SYNPO2: variants seen among roughly 807,000 people sequenced by gnomAD.
SYNPO2 encodes synaptopodin-2.
Under a neutral mutation model 85.0 loss-of-function variants are expected in SYNPO2, and 56 were observed. That is an observed-to-expected ratio of 0.66 (90% confidence interval 0.53 to 0.82). SYNPO2 has a LOEUF of 0.82. Ranked by LOEUF, SYNPO2 falls within the 40% of genes least tolerant of loss-of-function variation. SYNPO2 has a pLI of 0.00. For missense variants in SYNPO2, 1,575 were observed against 1,534.2 expected (o/e 1.03, Z -0.44); for synonymous variants, 602 against 591.1 (o/e 1.02, Z -0.27).
rs1477284256 is a variant in SYNPO2 at position 119,004,616 on chromosome 4, C to T, written c.106-18814C>T. On this transcript the variant is annotated intron_variant, in intron 1 of 4. Transcript: ENST00000307142. ...GTATATGTGCCACATTTTCTTAATC[C>T]AGTCTATCATTGTTGGACATTTGGG... Among the ~76,000 whole-genome samples the T allele has an allele frequency of 4.1e-4, 60 of 146,116 alleles. 2 individuals carry two copies. The highest frequency in any genetic ancestry group is 6.1e-5 in the Non-Finnish European group (4 of 66,004).
intron 1 of SYNPO2, among the ~76,000 whole-genome samples, chr4:118,873,899 T>C (rs1002079711): frequency 2.6e-5 from 4 of 152,082 alleles, no homozygotes; most frequent in African/African-American, 9.7e-5. Flanking sequence ...CTTCTGCATA[T>C]GGCAATCCAA....
At chr4:118,902,439 G>C (rs1211635799) in intron 1 of SYNPO2, among the ~76,000 whole-genome samples, 1 of 152,170 alleles carries the variant, frequency 6.6e-6, no homozygotes, top group Non-Finnish European at 1.5e-5. Flanking sequence ...GAGAGAATGA[G>C]AGCCAAGCAA....
chr4:118,934,177 G>C (rs1226595975), intron 1 of SYNPO2, among the ~76,000 whole-genome samples: 1 of 152,082 alleles, frequency 6.6e-6, no homozygotes, highest in African/African-American at 2.4e-5. Flanking sequence ...TAATTTATTT[G>C]CATGTGTGAA....
At chr4:119,013,842 A>G (rs1398994893) in intron 1 of SYNPO2, among the ~76,000 whole-genome samples, 1 of 152,268 alleles carries the variant, frequency 6.6e-6, no homozygotes, top group Non-Finnish European at 1.5e-5. Context: ...TTCAAAATGC[A>G]AAATGGACCA....
intron 1 of SYNPO2, among the ~76,000 whole-genome samples, chr4:118,930,503 AG>A (rs34689637): frequency 6.6e-6 from 1 of 152,176 alleles, no homozygotes; most frequent in Non-Finnish European, 1.5e-5. Flanking sequence ...GTCATGGTAC[AG>A]GGTTTTTCCT....
intron 1 of SYNPO2, among the ~76,000 whole-genome samples, chr4:118,925,575 G>T (rs951829260): frequency 1.3e-5 from 2 of 152,098 alleles, no homozygotes; most frequent in Non-Finnish European, 2.9e-5. Flanking sequence ...AAGGACAGAG[G>T]CCTAGATATC....
At chr4:118,926,569 T>C (rs1733717763) in intron 1 of SYNPO2, among the ~76,000 whole-genome samples, 1 of 152,098 alleles carries the variant, frequency 6.6e-6, no homozygotes, top group Admixed American at 6.5e-5. Context: ...AAAGGTAATA[T>C]ATTGCACTTC....
chr4:119,040,792 C>T (rs1360346493), intron 4 of SYNPO2, among the ~76,000 whole-genome samples: 3 of 152,240 alleles, frequency 2.0e-5, no homozygotes, highest in Admixed American at 6.5e-5. Context: ...TGAGACTACC[C>T]CACTTCAGAC....
At chr4:118,900,717 A>C (rs1340718026) in intron 1 of SYNPO2, among the ~76,000 whole-genome samples, 8 of 119,124 alleles carry the variant, frequency 6.7e-5, no homozygotes, top group South Asian at 3.0e-4. Flanking sequence ...ATATATATAT[A>C]TATATATATA....
At chr4:119,012,669 T>C (rs1737368479) in intron 1 of SYNPO2, among the ~76,000 whole-genome samples, 1 of 152,188 alleles carries the variant, frequency 6.6e-6, no homozygotes, top group Non-Finnish European at 1.5e-5. Context: ...ATTCCTCTAT[T>C]AGTTTGCTGA....
chr4:118,964,741 T>G (rs1735248104), intron 1 of SYNPO2, among the ~76,000 whole-genome samples: 1 of 152,168 alleles, frequency 6.6e-6, no homozygotes, highest in Non-Finnish European at 1.5e-5. Flanking sequence ...ATTCATTTAT[T>G]TATTCAATAA....
At chr4:118,936,252 A>C (rs1479552766) in intron 1 of SYNPO2, among the ~76,000 whole-genome samples, 2 of 152,158 alleles carry the variant, frequency 1.3e-5, no homozygotes, top group Admixed American at 1.3e-4. Context: ...TGTTCGCCTA[A>C]GGGTTCATTT....
intron 1 of SYNPO2, among the ~76,000 whole-genome samples, chr4:118,978,989 C>T (rs74886443): frequency 0.08 from 12,220 of 152,180 alleles, 540 homozygotes; most frequent in East Asian, 0.15. Flanking sequence ...TTTCTGATGC[C>T]ATTGCTCTAG....
chr4:119,037,731 G>A (rs1738574678), intron 4 of SYNPO2: 1 of 884,596 alleles, frequency 1.1e-6, no homozygotes, highest in Non-Finnish European at 1.4e-6. Flanking sequence ...CATTAGCTGA[G>A]CACAAAATTT....
At chr4:118,952,633 G>A (rs1734739354) in intron 1 of SYNPO2, among the ~76,000 whole-genome samples, 1 of 151,990 alleles carries the variant, frequency 6.6e-6, no homozygotes, top group African/African-American at 2.4e-5. Context: ...ATACCAAACT[G>A]CAAACATGAA....
chr4:119,027,130 T>G lies in SYNPO2; in HGVS notation c.761T>G (p.Leu254Arg). 1 of 1,614,190 alleles carries G rather than the reference T, an allele frequency of 6.2e-7. No individual in the cohort carries two copies. The highest frequency in any genetic ancestry group is 8.5e-7 in the Non-Finnish European group (1 of 1,180,042). ...IPTNEKADPF[L>R]RSSKIIQISS... Reference sequence around the variant, plus strand: ...ACTAATGAGAAAGCAGACCCTTTCCTGAGGTCCAGCAAGATAATCCAGATC... The same window carrying G: ...ACTAATGAGAAAGCAGACCCTTTCCGGAGGTCCAGCAAGATAATCCAGATC... The change falls in exon 3 of 5, where the codon CTG becomes CGG. Residue 254 changes from leucine (L) to arginine (R), a missense_variant. By Grantham distance (102) the Leu-to-Arg change is moderately radical. Around this residue, in one of 3 missense-constraint regions of SYNPO2, gnomAD observed 1,508 missense variants for 1,446.8 expected, o/e 1.04. Coordinates refer to ENST00000307142, the MANE Select transcript of SYNPO2 (RefSeq NM_133477.3).
Position 119,030,673 on chromosome 4 carries a change from C to T in SYNPO2, c.1898C>T (p.Ser633Phe). Residue 633 changes from serine (S) to phenylalanine (F), a missense_variant, in exon 4 of 5, where the codon TCC becomes TTC. Transcript: ENST00000307142. Reference sequence around the variant, plus strand: ...GTCACTCCTCCCCCTGACGCCTTCTCCAGAGGGGTTTCAAGTCCGATTGCT... The same window carrying T: ...GTCACTCCTCCCCCTGACGCCTTCTTCAGAGGGGTTTCAAGTCCGATTGCT... Reference protein sequence around the residue: ...SAVTPPPDAFSRGVSSPIAGP... With the variant: ...SAVTPPPDAFFRGVSSPIAGP... 1 of 1,614,174 alleles carries T rather than the reference C, an allele frequency of 6.2e-7. No homozygotes were observed. The highest frequency in any genetic ancestry group is 8.5e-7 in the Non-Finnish European group (1 of 1,180,030).
At chr4:118,974,842 A>G (rs973183039) in intron 1 of SYNPO2, among the ~76,000 whole-genome samples, 1 of 152,174 alleles carries the variant, frequency 6.6e-6, no homozygotes, top group Non-Finnish European at 1.5e-5. Context: ...GGGTTATTAC[A>G]GATAACTCTA....
In SYNPO2 at chr4:118,905,246, T is replaced by A. The variant is rs187119011; in HGVS notation, c.105+16105T>A. ...ATGATATCCAATTACCCTGACTCTC[T>A]GTTTCTCTTTCTTATTTGAGCTGGA... On this transcript the variant is annotated intron_variant, in intron 1 of 4. Transcript: ENST00000307142. Among the ~76,000 whole-genome samples the A allele has an allele frequency of 3.6e-3, 546 of 152,356 alleles. 12 individuals carry two copies. The highest frequency in any genetic ancestry group is 0.032 in the Admixed American group (492 of 15,302).
Sources: gnomAD v4.1 joint callset for allele counts (sites outside exome capture counted in the v4.1 genomes callset) on GRCh38, gnomAD v4.1.1 for gene constraint, gnomAD v4.1.1 regional missense constraint, MANE v1.5 for transcripts, NCBI Gene and HGNC (gene_info 2026-07-23, HGNC 2026-07-21) for gene names.